The following NAPB variants were observed in gnomAD, a reference collection of about 807,000 sequenced individuals.
The protein encoded by NAPB is beta-soluble NSF attachment protein.
NAPB carries 26 observed loss-of-function variants against 44.7 expected under a neutral mutation model. That is an observed-to-expected ratio of 0.58 (90% CI 0.43 to 0.81). NAPB has a LOEUF of 0.81. Ranked by LOEUF, NAPB falls within the 30% of genes least tolerant of loss-of-function variation. The probability of loss-of-function intolerance (pLI) is 0.00; values close to 1 mark genes in which losing one functional copy is unlikely to be tolerated. For synonymous variants in NAPB, 120 were observed against 116.8 expected, an observed-to-expected ratio of 1.03 and a Z score of -0.18; for missense variants, 315 against 356.4, an observed-to-expected ratio of 0.88 and a Z score of 0.94.
intron 2 of NAPB, among the ~76,000 whole-genome samples, chr20:23,401,359 G>A (rs764450271): frequency 6.6e-5 from 10 of 152,114 alleles, no homozygotes; most frequent in African/African-American, 1.9e-4. Flanking sequence ...CAAGGTCATC[G>A]CCAAGGTCTG....
In NAPB at chr20:23,384,627, AAAAG is replaced by A. The variant is rs985135886; in HGVS notation, c.562-3314_562-3311del. On this transcript the variant is annotated intron_variant, in intron 7 of 10. Coordinates refer to ENST00000377026, the MANE Select transcript of NAPB (RefSeq NM_022080.3). ...ACAGAGTGAGACCCAGTCTCAAAAA[AAAAG>A]AAAGAAAGAAAAAAAAGAAAAGCAA... Among the ~76,000 whole-genome samples, 13 of 152,278 alleles carry A rather than the reference AAAAG, an allele frequency of 8.5e-5. No individual in the cohort carries two copies. The East Asian group carries it at 2.1e-3, about 25-fold the overall frequency.
chr20:23,376,979 T>TA lies in NAPB; in HGVS notation c.*396_*397insT, dbSNP rs1268057079. 6.5e-6 allele frequency: 1 copy of TA among 153,388 alleles called. No homozygotes were observed. The highest frequency in any genetic ancestry group is 1.5e-5 in the Non-Finnish European group (1 of 68,930). The allele number at this position is 153,388 out of a possible 1,614,324, so 9.5% of individuals were successfully genotyped here. On this transcript the variant is annotated 3_prime_UTR_variant, in exon 11 of 11. Coordinates refer to ENST00000377026, the MANE Select transcript of NAPB (RefSeq NM_022080.3). ...ACTAAACACACATTTAAAGAACATATTCAGATGCCAAAGCACAGAGAAAAT... is the reference window on the plus strand; with the variant it reads ...ACTAAACACACATTTAAAGAACATATATCAGATGCCAAAGCACAGAGAAAAT...
At chr20:23,406,849 T>C (rs1414478889) in intron 1 of NAPB, among the ~76,000 whole-genome samples, 1 of 152,272 alleles carries the variant, frequency 6.6e-6, no homozygotes, top group Non-Finnish European at 1.5e-5. Context: ...AATTAAAATG[T>C]ACTTTATCCA....
intron 1 of NAPB, among the ~76,000 whole-genome samples, chr20:23,406,920 T>C: frequency 6.6e-6 from 1 of 152,232 alleles, no homozygotes; most frequent in East Asian, 1.9e-4. Context: ...TTCCAGGTTT[T>C]ATGCTAGATA....
chr20:23,385,052 G>C (rs1310972550), intron 7 of NAPB, among the ~76,000 whole-genome samples: 1 of 152,130 alleles, frequency 6.6e-6, no homozygotes, highest in Non-Finnish European at 1.5e-5. Context: ...CCAAGAGGTA[G>C]AGGTTGCAGT....
intron 1 of NAPB, among the ~76,000 whole-genome samples, chr20:23,415,638 G>A (rs1409388300): frequency 6.6e-6 from 1 of 151,924 alleles, no homozygotes; most frequent in African/African-American, 2.4e-5. Context: ...TTTCTACCGT[G>A]TACAGCTACA....
At chr20:23,401,391 G>A (rs1984830941) in intron 2 of NAPB, among the ~76,000 whole-genome samples, 1 of 152,068 alleles carries the variant, frequency 6.6e-6, no homozygotes, top group South Asian at 2.1e-4. Context: ...TCAAAAAATT[G>A]CAACCTCAGA....
At chr20:23,407,897 A>G (rs1019371132) in intron 1 of NAPB, among the ~76,000 whole-genome samples, 1 of 152,236 alleles carries the variant, frequency 6.6e-6, no homozygotes, top group African/African-American at 2.4e-5. Flanking sequence ...ACTATTGCAG[A>G]GCATTGTAAA....
chr20:23,420,509 GGCGGGAC>G (rs1986313420), intron 1 of NAPB, among the ~76,000 whole-genome samples: 1 of 152,018 alleles, frequency 6.6e-6, no homozygotes, highest in South Asian at 2.1e-4. Context: ...CCCACCTGCA[GGCGGGAC>G]GCCCCCAGGT....
At chr20:23,400,353 C>T (rs1984741487) in intron 2 of NAPB, among the ~76,000 whole-genome samples, 3 of 152,096 alleles carry the variant, frequency 2.0e-5, no homozygotes, top group Admixed American at 2.0e-4. Flanking sequence ...CCCATCTCTA[C>T]TAAAAATACA....
intron 10 of NAPB, among the ~76,000 whole-genome samples, chr20:23,378,292 C>A (rs1346381531): frequency 6.6e-6 from 1 of 151,612 alleles, no homozygotes; most frequent in Non-Finnish European, 1.5e-5. Context: ...CCACAGCACT[C>A]CAGCCTGAGT....
intron 10 of NAPB, among the ~76,000 whole-genome samples, chr20:23,378,514 T>C (rs1328406524): frequency 6.6e-6 from 1 of 150,492 alleles, no homozygotes; most frequent in East Asian, 1.9e-4. Flanking sequence ...TGATCTTGGC[T>C]CACTGCAACC....
chr20:23,417,901 T>C (rs1407092916), intron 1 of NAPB, among the ~76,000 whole-genome samples: 1 of 152,132 alleles, frequency 6.6e-6, no homozygotes, highest in African/African-American at 2.4e-5. Flanking sequence ...TTGACTGACA[T>C]GTTCTCATAA....
chr20:23,405,313 A>G (rs1378141355), intron 1 of NAPB, among the ~76,000 whole-genome samples: 5 of 140,058 alleles, frequency 3.6e-5, no homozygotes, highest in Non-Finnish European at 8.0e-5. Flanking sequence ...GAGACAGAGA[A>G]AGAGAGAGAG....
In NAPB at chr20:23,421,411, C is replaced by T; in HGVS notation, c.-9G>A. 6.5e-7 allele frequency: 1 copy of T among 1,542,610 alleles called. No homozygotes were observed. Among genetic ancestry groups the T allele is most frequent in the Non-Finnish European group, 8.7e-7 (1 of 1,144,104 alleles). On this transcript the variant is annotated 5_prime_UTR_variant, in exon 1 of 11. Transcript: ENST00000377026. ...TTCCCCGCGTTGTCCATGTCGCCCGCCGCGGCCGCCACAGCCCCCTCAGCC... is the reference window on the plus strand; with the variant it reads ...TTCCCCGCGTTGTCCATGTCGCCCGTCGCGGCCGCCACAGCCCCCTCAGCC...
At position 23,389,958 on chromosome 20, in the gene NAPB, C is replaced by T; in HGVS notation, c.549G>A (p.Glu183=). ...AQLEQYQKAI[E]IYEQVGANTM... ...ACAGTATCCTCACCTGCTCATAGAT[C>T]TCAATGGCTTTCTGGTACTGCTCAA... The change falls in exon 7 of 11, where the codon GAG becomes GAA. Residue 183 remains glutamate (E), a synonymous_variant. Transcript: ENST00000377026. The T allele has an allele frequency of 6.2e-7, 1 of 1,614,062 alleles. No homozygotes were observed. Among genetic ancestry groups the T allele is most frequent in the Non-Finnish European group, 8.5e-7 (1 of 1,179,922 alleles).
intron 5 of NAPB, among the ~76,000 whole-genome samples, chr20:23,391,865 G>A (rs1983984629): frequency 6.6e-6 from 1 of 152,216 alleles, no homozygotes; most frequent in Admixed American, 6.5e-5. Flanking sequence ...AATGACAAAG[G>A]TTTCACAGCA....
At chr20:23,408,200 G>T (rs1489955304) in intron 1 of NAPB, among the ~76,000 whole-genome samples, 1 of 152,202 alleles carries the variant, frequency 6.6e-6, no homozygotes, top group Non-Finnish European at 1.5e-5. Flanking sequence ...CCAAAAGACT[G>T]AAAAGGGACT....
At chr20:23,407,136 T>C (rs1298535254) in intron 1 of NAPB, among the ~76,000 whole-genome samples, 2 of 152,192 alleles carry the variant, frequency 1.3e-5, no homozygotes, top group Non-Finnish European at 2.9e-5. Flanking sequence ...TGAAACAGAA[T>C]TGCCAGAGGT....
Sources: gnomAD v4.1 joint callset for allele counts (sites outside exome capture counted in the v4.1 genomes callset) on GRCh38, gnomAD v4.1.1 for gene constraint, MANE v1.5 for transcripts, NCBI Gene and HGNC (gene_info 2026-07-23, HGNC 2026-07-21) for gene names.